NRCAM: variants seen among roughly 807,000 people sequenced by gnomAD.
The protein encoded by NRCAM is neuronal cell adhesion molecule, also known as NgCAM-related cell adhesion molecule.
Under a neutral mutation model 156.5 loss-of-function variants are expected in NRCAM, and 83 were observed. The ratio of observed to expected loss-of-function variants is 0.53; its 90% CI spans 0.44 to 0.64. NRCAM has a LOEUF of 0.64. Among genes scored for constraint, NRCAM ranks in the 30% least tolerant of loss-of-function variants. NRCAM has a pLI of 0.00. For synonymous variants in NRCAM, 538 were observed against 563.9 expected, an observed-to-expected ratio of 0.95 and a Z score of 0.65; for missense variants, 1,417 against 1,597.3, an observed-to-expected ratio of 0.89 and a Z score of 1.92.
chr7:108,152,819 G>T lies in NRCAM; in HGVS notation c.3678-2672C>A, dbSNP rs201083999. 5.9e-5 allele frequency among the ~76,000 whole-genome samples: 9 copies of T among 152,288 alleles called. No individual in the cohort carries two copies. In the East Asian group the frequency reaches 1.5e-3, roughly 26 times the overall value. ...GAGAATATTACAATAATCCAGGAGT[G>T]AGATGACTGTGACTTGGACCAGAGT... On this transcript the variant is annotated intron_variant, in intron 32 of 32. Coordinates refer to ENST00000379028, the MANE Select transcript of NRCAM (RefSeq NM_001037132.4).
At chr7:108,285,713 C>T (rs1336126807) in intron 3 of NRCAM, among the ~76,000 whole-genome samples, 12 of 152,184 alleles carry the variant, frequency 7.9e-5, no homozygotes, top group African/African-American at 4.8e-5. Context: ...AGTTATCATT[C>T]ACTATATTTT....
rs1288273759 is a variant in NRCAM, at chr7:108,194,392, A to G, written c.1500T>C (p.Asp500=). 6.2e-7 allele frequency: 1 copy of G among 1,612,096 alleles called. No homozygotes were observed. The highest frequency in any genetic ancestry group is 1.1e-5 in the South Asian group (1 of 90,606). The change falls in exon 16 of 33, where the codon GAT becomes GAC. Residue 500 remains aspartate, a synonymous_variant. Transcript: ENST00000379028. ...KGAKGSALHE[D]IYVLHENGTL... ...TTCCATTTTCATGTAAAACATAAATATCTTCATGAAGAGCACTTCCTTTAG... is the reference window on the plus strand; with the variant it reads ...TTCCATTTTCATGTAAAACATAAATGTCTTCATGAAGAGCACTTCCTTTAG...
chr7:108,250,425 CAAAAAAAAAA>C lies in NRCAM; in HGVS notation c.-106-10265_-106-10256del, dbSNP rs34274206. Among the ~76,000 whole-genome samples, 6 of 67,402 alleles carry C rather than the reference CAAAAAAAAAA, an allele frequency of 8.9e-5. No homozygotes were observed. The East Asian group carries it at 1.8e-3, about 20-fold the overall frequency. 44.2% of individuals were successfully genotyped at this position (67,402 alleles called of 152,430 possible). On this transcript the variant is annotated intron_variant, in intron 3 of 32. Coordinates refer to ENST00000379028, the MANE Select transcript of NRCAM (RefSeq NM_001037132.4). ...TGGGCAACAGAGCCACATCTTACCT[CAAAAAAAAAA>C]AAAAAAAAAAAAAAAGAAAGAGAGA...
rs550517487 is a variant in NRCAM at position 108,154,875 on chromosome 7, G to A, written c.3677+4588C>T. Among the ~76,000 whole-genome samples the A allele has an allele frequency of 3.3e-5, 5 of 151,908 alleles. No individual in the cohort carries two copies. The South Asian group carries it at 8.3e-4, about 25-fold the overall frequency. Reference sequence around the variant, plus strand: ...AAGAAATACCTTGTGCAACACACACGCGGAACTTTCCAGGTGTAGTGAGTG... The same window carrying A: ...AAGAAATACCTTGTGCAACACACACACGGAACTTTCCAGGTGTAGTGAGTG... On this transcript the variant is annotated intron_variant, in intron 32 of 32. Coordinates refer to ENST00000379028, the MANE Select transcript of NRCAM (RefSeq NM_001037132.4).
At chr7:108,299,108 A>AGAAAGAAAGAAAAGAAAAGAAAAG (rs1371407131) in intron 3 of NRCAM, among the ~76,000 whole-genome samples, 22 of 82,236 alleles carry the variant, frequency 2.7e-4, no homozygotes, top group Middle Eastern at 4.7e-3. Flanking sequence ...TCCATCTCAA[A>AGAAAGAAAGAAAAGAAAAGAAAAG]AAAAAAAAAG....
intron 3 of NRCAM, among the ~76,000 whole-genome samples, chr7:108,260,948 T>C (rs2096865809): frequency 1.3e-5 from 2 of 152,180 alleles, no homozygotes; most frequent in Non-Finnish European, 2.9e-5. Flanking sequence ...GAAGTATCAA[T>C]AAGAATCAAC....
At chr7:108,373,325 G>T (rs1026114761) in intron 2 of NRCAM, among the ~76,000 whole-genome samples, 2 of 152,144 alleles carry the variant, frequency 1.3e-5, no homozygotes, top group Non-Finnish European at 2.9e-5. Flanking sequence ...TGAAAAATCT[G>T]TTAAGAGGGC....
intron 32 of NRCAM, 62 bp downstream of exon 32, chr7:108,159,401 C>T: frequency 7.0e-7 from 1 of 1,422,606 alleles, no homozygotes; most frequent in South Asian, 1.2e-5. Context: ...TGGCTGAGTT[C>T]TATTCTCGGG....
At chr7:108,199,415 A>T (rs2076794453) in intron 13 of NRCAM, among the ~76,000 whole-genome samples, 1 of 152,246 alleles carries the variant, frequency 6.6e-6, no homozygotes, top group Non-Finnish European at 1.5e-5. Flanking sequence ...GGCTTAGAAC[A>T]ACACAAATTT....
intron 17 of NRCAM, 33 bp from the exon 18 acceptor site, chr7:108,191,886 T>C (rs2071883853): frequency 2.5e-6 from 4 of 1,602,524 alleles, no homozygotes; most frequent in Non-Finnish European, 3.4e-6. Context: ...GCAGCTGAAA[T>C]GGACATGCAG....
chr7:108,433,691 C>T (rs1417083511), intron 1 of NRCAM, among the ~76,000 whole-genome samples: 1 of 152,192 alleles, frequency 6.6e-6, no homozygotes, highest in African/African-American at 2.4e-5. Flanking sequence ...GATCTCTCTG[C>T]ACATGGGAGC....
intron 2 of NRCAM, among the ~76,000 whole-genome samples, chr7:108,347,029 TC>T (rs2099360458): frequency 1.5e-5 from 2 of 135,584 alleles, no homozygotes; most frequent in Admixed American, 1.8e-4. Flanking sequence ...ATATTATATT[TC>T]TGTTTTTTTT....
At position 108,162,281 on chromosome 7, in the gene NRCAM, T is replaced by C. The variant is rs553177450; in HGVS notation, c.3467-1789A>G. 2.0e-5 allele frequency among the ~76,000 whole-genome samples: 3 copies of C among 152,356 alleles called. No individual in the cohort carries two copies. In the South Asian group the frequency reaches 6.2e-4, roughly 32 times the overall value. Reference sequence around the variant, plus strand: ...TCTTAAGTTAAAGAATAAAATGCTATAGGCACTTCCTATTCTGAGACAGGC... The same window carrying C: ...TCTTAAGTTAAAGAATAAAATGCTACAGGCACTTCCTATTCTGAGACAGGC... On this transcript the variant is annotated intron_variant, in intron 30 of 32. Transcript: ENST00000379028.
intron 3 of NRCAM, among the ~76,000 whole-genome samples, chr7:108,279,258 A>C (rs906743197): frequency 6.6e-6 from 1 of 152,136 alleles, no homozygotes; most frequent in Non-Finnish European, 1.5e-5. Context: ...TAGTTTTATC[A>C]ATTTTATTTC....
rs1477258478 is a variant in NRCAM at position 108,400,544 on chromosome 7, G to T, written c.-331-951C>A. ...ATCTCAGGTGGAATGGCACGCAACT[G>T]TCAATATTTTGCAAAAGAAAGTCAG... is the stretch of plus-strand genomic sequence containing the variant. On this transcript the variant is annotated intron_variant, in intron 1 of 32. Transcript: ENST00000379028. Among the ~76,000 whole-genome samples, 4 of 152,260 alleles carry T rather than the reference G, an allele frequency of 2.6e-5. No individual in the cohort carries two copies. The East Asian group carries it at 7.7e-4, about 29-fold the overall frequency.
At chr7:108,366,911 C>T (rs769896919) in intron 2 of NRCAM, among the ~76,000 whole-genome samples, 47 of 152,172 alleles carry the variant, frequency 3.1e-4, no homozygotes, top group Admixed American at 2.0e-4. Context: ...AAGATTTTCC[C>T]ATTCTAGGTT....
chr7:108,299,264 G>A (rs115634000), intron 3 of NRCAM, among the ~76,000 whole-genome samples: 2 of 151,480 alleles, frequency 1.3e-5, no homozygotes, highest in African/African-American at 4.8e-5. Context: ...AGTAGTTACC[G>A]AGCTGCCTTT....
intron 3 of NRCAM, among the ~76,000 whole-genome samples, chr7:108,298,610 G>A (rs193059912): frequency 1.3e-5 from 2 of 150,468 alleles, no homozygotes; most frequent in Admixed American, 6.6e-5. Context: ...CCGAGATCGC[G>A]CCACTGTACT....
intron 32 of NRCAM, among the ~76,000 whole-genome samples, chr7:108,157,882 A>G (rs2046509846): frequency 6.6e-6 from 1 of 152,106 alleles, no homozygotes; most frequent in Non-Finnish European, 1.5e-5. Context: ...TTTATTTCCA[A>G]TTCATGCAAA....
Sources: gnomAD v4.1 joint callset for allele counts (sites outside exome capture counted in the v4.1 genomes callset) on GRCh38, gnomAD v4.1.1 for gene constraint, MANE v1.5 for transcripts, NCBI Gene and HGNC (gene_info 2026-07-23, HGNC 2026-07-21) for gene names.